The following ETF1 variants were observed in gnomAD, a reference collection of about 807,000 sequenced individuals.
The protein encoded by ETF1 is eukaryotic peptide chain release factor subunit 1.
In ETF1, 4 loss-of-function variants were observed where a neutral mutation model predicts 55.1. The ratio of observed to expected loss-of-function variants is 0.07; its 90% CI spans 0.04 to 0.17. The LOEUF (loss-of-function observed/expected upper bound fraction) is 0.17. ETF1 is among the 10% of genes least tolerant of loss of function. The pLI is 1.00. For synonymous variants in ETF1, 157 were observed against 182.3 expected (o/e 0.86, Z 1.12); for missense variants, 142 against 523.6 (o/e 0.27, Z 7.11).
At chr5:138,527,066 T>G (rs1196732686) in intron 2 of ETF1, among the ~76,000 whole-genome samples, 1 of 152,162 alleles carries the variant, frequency 6.6e-6, no homozygotes, top group African/African-American at 2.4e-5. Flanking sequence ...CTGGAACTCC[T>G]GAGCTCATGA....
At chr5:138,509,973 T>C (rs1472248674) in intron 9 of ETF1, among the ~76,000 whole-genome samples, 2 of 149,736 alleles carry the variant, frequency 1.3e-5, no homozygotes, top group African/African-American at 4.9e-5. Context: ...GGCAGAAGGA[T>C]TGCCTGAGCC....
At position 138,508,736 on chromosome 5, in the gene ETF1, C is replaced by T. The variant is rs764136993; in HGVS notation, c.1164G>A (p.Thr388=). Residue 388 remains threonine (T), a synonymous_variant, in exon 10 of 11, where the codon ACG becomes ACA. Transcript: ENST00000360541. ...FANNYKKFGA[T]LEIVTDKSQE... is the part of the protein sequence containing the mutation. ...GTGATTTATCTGTGACAATTTCCAACGTAGCTCCAAATTTTTTATAGTTGT... is the reference window on the plus strand; with the variant it reads ...GTGATTTATCTGTGACAATTTCCAATGTAGCTCCAAATTTTTTATAGTTGT... The T allele has an allele frequency of 1.7e-4, 273 of 1,613,594 alleles. No homozygotes were observed. The highest frequency in any genetic ancestry group is 2.0e-4 in the Non-Finnish European group (239 of 1,180,050).
At chr5:138,534,154 A>C (rs903475156) in intron 2 of ETF1, among the ~76,000 whole-genome samples, 1 of 152,250 alleles carries the variant, frequency 6.6e-6, no homozygotes, top group African/African-American at 2.4e-5. Context: ...AGAATAACTC[A>C]GATGTCCAAA....
At chr5:138,538,219 TCAC>T (rs1213942136) in intron 2 of ETF1, among the ~76,000 whole-genome samples, 13 of 146,606 alleles carry the variant, frequency 8.9e-5, no homozygotes, top group South Asian at 4.4e-4. Flanking sequence ...AGACAGAGTT[TCAC>T]TCTGTTGCCC....
At chr5:138,528,837 G>A (rs932207540) in intron 2 of ETF1, among the ~76,000 whole-genome samples, 1 of 152,054 alleles carries the variant, frequency 6.6e-6, no homozygotes, top group African/African-American at 2.4e-5. Context: ...CTGATGTTTT[G>A]TATGTTAGGT....
At chr5:138,520,081 G>C (rs1053467612) in intron 2 of ETF1, among the ~76,000 whole-genome samples, 3 of 143,428 alleles carry the variant, frequency 2.1e-5, no homozygotes, top group Non-Finnish European at 3.0e-5. Context: ...CAAAAGAAAA[G>C]AACTAAAATC....
At chr5:138,525,951 A>AG (rs1269710366) in intron 2 of ETF1, among the ~76,000 whole-genome samples, 1 of 151,530 alleles carries the variant, frequency 6.6e-6, no homozygotes, top group Non-Finnish European at 1.5e-5. Context: ...TTTAAAAAAA[A>AG]AAAAAAAAAA....
intron 1 of ETF1, 70 bp downstream of exon 1, chr5:138,543,027 A>C: frequency 8.5e-7 from 1 of 1,170,192 alleles, no homozygotes; most frequent in Non-Finnish European, 1.2e-6. Context: ...GCCATCCCCC[A>C]GAGGCCCTCT....
At chr5:138,537,737 G>A (rs1327634852) in intron 2 of ETF1, among the ~76,000 whole-genome samples, 1 of 150,524 alleles carries the variant, frequency 6.6e-6, no homozygotes, top group Non-Finnish European at 1.5e-5. Context: ...ACAGGTGCCC[G>A]CCACCATGCC....
Position 138,517,441 on chromosome 5 carries a change from A to G in ETF1, c.402+120T>C, listed in dbSNP as rs1365613926. 4 of 457,002 alleles carry G rather than the reference A, an allele frequency of 8.8e-6. No individual in the cohort carries two copies. The East Asian group carries it at 1.3e-4, about 15-fold the overall frequency. 28.3% of individuals were successfully genotyped at this position (457,002 alleles called of 1,614,324 possible). A position where few individuals can be genotyped will look rare whatever the true frequency, so the allele number is the denominator to read the frequency against. ...GTACAGCACAAGCATATCTATGGAA[A>G]GAAAATATAGTGGTTGCCTAGAATG... On this transcript the variant is annotated intron_variant, in intron 4 of 10. Coordinates refer to ENST00000360541, the MANE Select transcript of ETF1 (RefSeq NM_004730.4).
chr5:138,539,694 T>C (rs758707374), intron 2 of ETF1, among the ~76,000 whole-genome samples: 33 of 152,208 alleles, frequency 2.2e-4, no homozygotes, highest in Non-Finnish European at 4.1e-4. Flanking sequence ...CAAAACAGAA[T>C]GCTATGAAGT....
chr5:138,520,105 AC>A (rs1188063865), intron 2 of ETF1, among the ~76,000 whole-genome samples: 4 of 144,538 alleles, frequency 2.8e-5, no homozygotes, highest in African/African-American at 1.0e-4. Context: ...GCAGAACTGA[AC>A]AAAATTAAGA....
chr5:138,528,913 G>A (rs917899439), intron 2 of ETF1, among the ~76,000 whole-genome samples: 8 of 152,030 alleles, frequency 5.3e-5, no homozygotes, highest in East Asian at 1.9e-4. Flanking sequence ...TTGGGAAGCC[G>A]AGACAGGTGG....
chr5:138,510,518 G>T, intron 9 of ETF1, 47 bp downstream of exon 9: 1 of 1,442,176 alleles, frequency 6.9e-7, no homozygotes, highest in South Asian at 1.1e-5. Context: ...TCTAACACAC[G>T]GATTTACGCT....
intron 2 of ETF1, among the ~76,000 whole-genome samples, chr5:138,539,550 A>G (rs139953572): frequency 2.0e-5 from 3 of 152,326 alleles, no homozygotes; most frequent in South Asian, 2.1e-4. Flanking sequence ...TTAACTGGTT[A>G]TTTTACTAGC....
At chr5:138,515,114 T>C (rs1309660623) in intron 4 of ETF1, among the ~76,000 whole-genome samples, 1 of 152,158 alleles carries the variant, frequency 6.6e-6, no homozygotes, top group African/African-American at 2.4e-5. Context: ...TAACAAACCA[T>C]GCTAGATAGT....
At chr5:138,514,196 CA>C (rs1374712327) in intron 4 of ETF1, 2 of 152,056 alleles carry the variant, frequency 1.3e-5, no homozygotes, top group African/African-American at 4.8e-5. Context: ...TGGTGGTTGC[CA>C]GGGGCTGGAA....
Position 138,507,666 on chromosome 5 carries a change from C to T in ETF1, c.*639G>A, listed in dbSNP as rs1764606648. ...CATGAGTCAGTTTGATTTTGCAATG[C>T]AATTTGCATCCTTGAAACTGCCAGT... On this transcript the variant is annotated 3_prime_UTR_variant, in exon 11 of 11. Transcript: ENST00000360541. The T allele has an allele frequency of 1.3e-5, 2 of 152,766 alleles. No homozygotes were observed. Among genetic ancestry groups the T allele is most frequent in the Admixed American group, 1.3e-4 (2 of 15,292 alleles). 9.5% of individuals were successfully genotyped at this position (152,766 alleles called of 1,614,324 possible). A position where few individuals can be genotyped will look rare whatever the true frequency, so the allele number is the denominator to read the frequency against.
chr5:138,518,203 CAAA>C (rs35745884), intron 3 of ETF1, among the ~76,000 whole-genome samples: 60 of 80,432 alleles, frequency 7.5e-4, no homozygotes, highest in African/African-American at 2.8e-3. Flanking sequence ...TGTCTCATCC[CAAA>C]AAAAAAAAAA....
Sources: gnomAD v4.1 joint callset for allele counts (sites outside exome capture counted in the v4.1 genomes callset) on GRCh38, gnomAD v4.1.1 for gene constraint, MANE v1.5 for transcripts, NCBI Gene and HGNC (gene_info 2026-07-23, HGNC 2026-07-21) for gene names.